The following DLGAP1 variants were observed in gnomAD, a reference collection of about 807,000 sequenced individuals.
DLGAP1 encodes DLG associated protein 1.
In DLGAP1, 11 loss-of-function variants were observed where a neutral mutation model predicts 90.8. The observed-to-expected ratio is 0.12, with a 90% CI of 0.08 to 0.20. The LOEUF (loss-of-function observed/expected upper bound fraction) is 0.20, where lower values mean the gene tolerates loss of function less well. DLGAP1 is among the 10% of genes least tolerant of loss of function. DLGAP1 has a pLI of 1.00. For missense variants in DLGAP1, 1,050 were observed against 1,333.8 expected (o/e 0.79, Z 3.31); for synonymous variants, 558 against 540.7 (o/e 1.03, Z -0.44).
chr18:4,315,463 A>G (rs2080504299), intron 1 of DLGAP1, among the ~76,000 whole-genome samples: 1 of 152,058 alleles, frequency 6.6e-6, no homozygotes, highest in Non-Finnish European at 1.5e-5. Flanking sequence ...TATTTTAACC[A>G]CTCTCAAATT....
chr18:4,258,810 A>G (rs556830730), intron 1 of DLGAP1, among the ~76,000 whole-genome samples: 2 of 152,254 alleles, frequency 1.3e-5, no homozygotes, highest in Admixed American at 6.5e-5. Flanking sequence ...AGTTTCTGAA[A>G]CTTTGCCTTT....
At chr18:3,990,658 A>G (rs1477328172) in intron 3 of DLGAP1, among the ~76,000 whole-genome samples, 1 of 148,488 alleles carries the variant, frequency 6.7e-6, no homozygotes, top group Admixed American at 6.7e-5. Context: ...TAATAATAAT[A>G]ATAATAAAAA....
chr18:4,278,452 T>C (rs554298735), intron 1 of DLGAP1, among the ~76,000 whole-genome samples: 24 of 152,250 alleles, frequency 1.6e-4, no homozygotes, highest in African/African-American at 5.3e-4. Context: ...TCTCCTACTC[T>C]TCCCAGTCTC....
intron 1 of DLGAP1, among the ~76,000 whole-genome samples, chr18:4,324,710 CA>C (rs1568514571): frequency 0.12 from 17,833 of 151,436 alleles, 1,365 homozygotes; most frequent in East Asian, 0.24. Flanking sequence ...AAGGTTGGTT[CA>C]ACATACACAA....
intron 9 of DLGAP1, among the ~76,000 whole-genome samples, chr18:3,563,121 C>A (rs1486601884): frequency 6.6e-6 from 1 of 152,156 alleles, no homozygotes; most frequent in African/African-American, 2.4e-5. Context: ...GCCACTGAAC[C>A]CGGCCTAGTT....
intron 1 of DLGAP1, among the ~76,000 whole-genome samples, chr18:4,239,687 T>C (rs2078490385): frequency 6.6e-6 from 1 of 152,190 alleles, no homozygotes; most frequent in Non-Finnish European, 1.5e-5. Context: ...TCAAATGAGA[T>C]GCTAAACAAA....
intron 7 of DLGAP1, among the ~76,000 whole-genome samples, chr18:3,636,567 A>C (rs368277229): frequency 6.8e-6 from 1 of 146,654 alleles, no homozygotes; most frequent in South Asian, 2.3e-4. Flanking sequence ...GCACGCCACA[A>C]TGCATGGCTA....
chr18:3,580,145 A>T, intron 8 of DLGAP1: 1 of 1,184,688 alleles, frequency 8.4e-7, no homozygotes, highest in South Asian at 1.2e-5. Flanking sequence ...AGCTGCTAAT[A>T]ATGTCTACAA....
chr18:3,907,036 T>C (rs1453872192), intron 3 of DLGAP1, among the ~76,000 whole-genome samples: 1 of 152,226 alleles, frequency 6.6e-6, no homozygotes, highest in Non-Finnish European at 1.5e-5. Flanking sequence ...AATCTAGAGA[T>C]GATTTAAAGT....
At chr18:3,677,072 C>T (rs975316981) in intron 7 of DLGAP1, among the ~76,000 whole-genome samples, 2 of 152,192 alleles carry the variant, frequency 1.3e-5, no homozygotes, top group Non-Finnish European at 2.9e-5. Context: ...GCGACTTCAG[C>T]CCGTTTCATT....
chr18:4,241,950 C>T (rs891258495), intron 1 of DLGAP1, among the ~76,000 whole-genome samples: 1 of 152,064 alleles, frequency 6.6e-6, no homozygotes, highest in African/African-American at 2.4e-5. Flanking sequence ...TTGAAATATA[C>T]ATACATTGTG....
At chr18:3,950,407 A>G (rs2072961645) in intron 3 of DLGAP1, among the ~76,000 whole-genome samples, 2 of 152,234 alleles carry the variant, frequency 1.3e-5, no homozygotes, top group African/African-American at 4.8e-5. Flanking sequence ...GTGTGCCAGT[A>G]CCAGGCCTAA....
chr18:4,203,920 G>T (rs2077662853), intron 1 of DLGAP1, among the ~76,000 whole-genome samples: 1 of 152,212 alleles, frequency 6.6e-6, no homozygotes, highest in South Asian at 2.1e-4. Flanking sequence ...AGAAGAGGAG[G>T]CACTGAATTA....
At chr18:4,272,980 G>C (rs1187925497) in intron 1 of DLGAP1, among the ~76,000 whole-genome samples, 2 of 152,166 alleles carry the variant, frequency 1.3e-5, no homozygotes, top group African/African-American at 4.8e-5. Flanking sequence ...TGGGAGCCAT[G>C]AGAAGCTAGG....
intron 8 of DLGAP1, chr18:3,580,333 C>T (rs1291662893): frequency 6.8e-6 from 11 of 1,613,784 alleles, no homozygotes; most frequent in South Asian, 1.1e-5. Context: ...TTTTTCAGTG[C>T]GCGAAATGTA....
intron 4 of DLGAP1, among the ~76,000 whole-genome samples, chr18:3,853,323 C>T (rs113154287): frequency 0.022 from 3,392 of 152,040 alleles, 58 homozygotes; most frequent in South Asian, 0.039. Context: ...CAGATTTTTT[C>T]GGATTTTAGA....
At chr18:4,288,463 C>G (rs1202931712) in intron 1 of DLGAP1, among the ~76,000 whole-genome samples, 9 of 152,148 alleles carry the variant, frequency 5.9e-5, no homozygotes, top group Non-Finnish European at 8.8e-5. Flanking sequence ...CTTCAAAGAA[C>G]TCAAAAGCTC....
intron 1 of DLGAP1, among the ~76,000 whole-genome samples, chr18:4,270,162 T>C (rs1337585751): frequency 6.6e-6 from 1 of 152,242 alleles, no homozygotes; most frequent in African/African-American, 2.4e-5. Context: ...TGAGATGCAC[T>C]ACTGCACTGT....
intron 2 of DLGAP1, among the ~76,000 whole-genome samples, chr18:4,089,861 C>G (rs187800789): frequency 4.6e-5 from 7 of 152,054 alleles, no homozygotes; most frequent in South Asian, 2.1e-4. Context: ...CTGGCTAACA[C>G]GGTGAAACCC....
Sources: allele counts gnomAD v4.1 joint callset (sites outside exome capture counted in the v4.1 genomes callset), GRCh38; gene constraint gnomAD v4.1.1; transcripts MANE v1.5; gene names NCBI Gene and HGNC (gene_info 2026-07-23, HGNC 2026-07-21).